Variants in CYBC1 observed in about 807,000 individuals in gnomAD.
The protein encoded by CYBC1 is cytochrome b-245 chaperone 1.
Under a neutral mutation model 21.7 loss-of-function variants are expected in CYBC1, and 22 were observed. That is an observed-to-expected ratio of 1.02 (90% CI 0.73 to 1.45). The LOEUF (loss-of-function observed/expected upper bound fraction) is 1.45. CYBC1 is among the 40% of genes most tolerant of loss of function. The pLI is 0.00. For missense variants in CYBC1, 237 were observed against 242.1 expected, an observed-to-expected ratio of 0.98 and a Z score of 0.14; for synonymous variants, 112 against 98.7, an observed-to-expected ratio of 1.13 and a Z score of -0.80.
chr17:82,449,418 C>T (rs991153636), intron 1 of CYBC1, 126 bp from the exon 2 acceptor site: 1 of 500,318 alleles, frequency 2.0e-6, no homozygotes. Context: ...CAGACACCAT[C>T]AGCCAGTCTC....
rs145513479 is a variant in CYBC1, at chr17:82,442,989, G to A, written c.*1015C>T. The A allele has an allele frequency of 3.8e-3, 787 of 206,088 alleles. 3 individuals are homozygous for A. The highest frequency in any genetic ancestry group is 0.016 in the African/African-American group (697 of 43,148). 12.8% of individuals were successfully genotyped at this position (206,088 alleles called of 1,614,324 possible). A position where few individuals can be genotyped will look rare whatever the true frequency, so the allele number is the denominator to read the frequency against. The stretch of plus-strand genomic sequence containing the variant: ...ACGGGGTGGGGAGAAGTCTGTAGCC[G>A]AGAGCCCAGCCCCCTCCTGCCAGGT... On this transcript the variant is annotated 3_prime_UTR_variant, in exon 7 of 7. Coordinates refer to ENST00000306645, the MANE Select transcript of CYBC1 (RefSeq NM_001033046.4). This position sits in a 1 kb window ranked among gnomAD's most constrained non-coding sequence, Gnocchi z 6.8.
Position 82,442,928 on chromosome 17 carries a change from GC to G in CYBC1, c.*1075del, listed in dbSNP as rs2054053661. Reference sequence around the variant, plus strand: ...CCTGGGTACACTCAGGAGACCAAGAGCACTGGCGGGTCAGGATGGTTGGCGT... The same window carrying G: ...CCTGGGTACACTCAGGAGACCAAGAGACTGGCGGGTCAGGATGGTTGGCGT... On this transcript the variant is annotated 3_prime_UTR_variant, in exon 7 of 7. Transcript: ENST00000306645. The surrounding 1 kb of genome is among the most constrained non-coding windows in gnomAD (Gnocchi z 6.8). 1 of 251,096 alleles carries G rather than the reference GC, an allele frequency of 4.0e-6. No homozygotes were observed. Among genetic ancestry groups the G allele is most frequent in the African/African-American group, 2.2e-5 (1 of 44,898 alleles). 15.6% of individuals were successfully genotyped at this position (251,096 alleles called of 1,614,324 possible).
Position 82,443,620 on chromosome 17 carries a change from C to T in CYBC1, c.*384G>A. On this transcript the variant is annotated 3_prime_UTR_variant, in exon 7 of 7. Transcript: ENST00000306645. The surrounding 1 kb of genome is among the most constrained non-coding windows in gnomAD (Gnocchi z 6.7). ...AAGCAGGAGTCCAGGGCTGGCGAGA[C>T]CTCCGGCTGCAGAAAGGCAGGCCCA... is the stretch of plus-strand genomic sequence containing the variant. 1.4e-6 allele frequency: 1 copy of T among 724,448 alleles called. No homozygotes were observed. The highest frequency in any genetic ancestry group is 2.5e-6 in the Non-Finnish European group (1 of 397,476). 44.9% of individuals were successfully genotyped at this position (724,448 alleles called of 1,614,324 possible).
intron 2 of CYBC1, 142 bp from the exon 3 acceptor site, chr17:82,447,763 AG>A: frequency 1.3e-6 from 1 of 751,280 alleles, no homozygotes; most frequent in Non-Finnish European, 2.3e-6. Context: ...ACAGACCACC[AG>A]GTTCAGAGTA....
chr17:82,444,377 TG>T (rs1221394530), intron 6 of CYBC1, 69 bp downstream of exon 6: 2 of 1,547,192 alleles, frequency 1.3e-6, no homozygotes, highest in Non-Finnish European at 1.8e-6. Context: ...CCCATAGCTC[TG>T]GGCAGTCAGG....
At chr17:82,446,600 T>C (rs2054303393) in intron 4 of CYBC1, 23 bp downstream of exon 4, 1 of 1,612,940 alleles carries the variant, frequency 6.2e-7, no homozygotes, top group Non-Finnish European at 8.5e-7. Context: ...CTGGACTCTG[T>C]CCCGCACCCG....
In CYBC1 at chr17:82,444,509, C is replaced by T. The variant is rs775905967; in HGVS notation, c.381G>A (p.Val127=). 1.9e-6 allele frequency: 3 copies of T among 1,614,048 alleles called. No homozygotes were observed. The South Asian group carries it at 3.3e-5, about 18-fold the overall frequency. The change falls in exon 6 of 7, where the codon GTG becomes GTA. Residue 127 remains valine, a synonymous_variant. Transcript: ENST00000306645. The part of the protein sequence containing the change: ...VRYFGKGYMV[V]LRLATGFSHP... ...GGGAGAAGCCCGTCGCAAGCCGGAG[C>T]ACCACCATGTAGCCTTTCCCGAAGT...
At chr17:82,446,421 G>A (rs1291754453) in intron 4 of CYBC1, among the ~76,000 whole-genome samples, 2 of 152,200 alleles carry the variant, frequency 1.3e-5, no homozygotes, top group African/African-American at 2.4e-5. Flanking sequence ...AAATGCCTTC[G>A]GGGAATTCCT....
chr17:82,447,139 G>A lies in CYBC1; in HGVS notation c.127+441C>T, dbSNP rs1189161847. ...GAGGCCGAGGCGGGCGGATCACGAG[G>A]TCAGGAGATCGAGACCATCCCGGCT... is the stretch of plus-strand genomic sequence containing the variant. On this transcript the variant is annotated intron_variant, in intron 3 of 6. Coordinates refer to ENST00000306645, the MANE Select transcript of CYBC1 (RefSeq NM_001033046.4). 3 of 296,578 alleles carry A rather than the reference G, an allele frequency of 1.0e-5. No homozygotes were observed. In the Admixed American group the frequency reaches 1.5e-4, roughly 15 times the overall value. 18.4% of individuals were successfully genotyped at this position (296,578 alleles called of 1,614,324 possible).
chr17:82,447,728 G>T, intron 2 of CYBC1, 107 bp from the exon 3 acceptor site: 2 of 990,312 alleles, frequency 2.0e-6, no homozygotes, highest in Non-Finnish European at 1.6e-6. Flanking sequence ...CCTTCCCACT[G>T]TAGGAACAGC....
chr17:82,445,708 G>A (rs904467331), intron 5 of CYBC1, 156 bp downstream of exon 5: 3 of 586,308 alleles, frequency 5.1e-6, no homozygotes, highest in Non-Finnish European at 9.0e-6. Flanking sequence ...GTGGGATCCT[G>A]CTTCCAGCGG....
chr17:82,446,861 A>G, intron 3 of CYBC1, 165 bp from the exon 4 acceptor site: 2 of 640,496 alleles, frequency 3.1e-6, no homozygotes, highest in South Asian at 1.8e-5. Flanking sequence ...CAGGACCCAC[A>G]CGCGGCACAC....
rs548336697 is a variant in CYBC1, at chr17:82,443,738, C to T, written c.*266G>A. On this transcript the variant is annotated 3_prime_UTR_variant, in exon 7 of 7. Transcript: ENST00000306645. This position sits in a 1 kb window ranked among gnomAD's most constrained non-coding sequence, Gnocchi z 6.7. Reference sequence around the variant, plus strand: ...AGCATGAGCAGGCAATAGGCCAACTCGGCTGGAGGCACCAACTGAAGCCAA... The same window carrying T: ...AGCATGAGCAGGCAATAGGCCAACTTGGCTGGAGGCACCAACTGAAGCCAA... 192 of 829,304 alleles carry T rather than the reference C, an allele frequency of 2.3e-4. No individual in the cohort carries two copies. Among genetic ancestry groups the T allele is most frequent in the African/African-American group, 1.7e-3 (101 of 60,774 alleles). 51.4% of individuals were successfully genotyped at this position (829,304 alleles called of 1,614,324 possible).
intron 6 of CYBC1, 52 bp from the exon 7 acceptor site, chr17:82,444,176 C>T: frequency 6.3e-7 from 1 of 1,581,294 alleles, no homozygotes; most frequent in South Asian, 1.2e-5. Context: ...GCATAGGGCA[C>T]CGTGAGACCC....
intron 3 of CYBC1, 83 bp downstream of exon 3, chr17:82,447,497 C>T: frequency 8.4e-7 from 1 of 1,192,760 alleles, no homozygotes; most frequent in South Asian, 1.3e-5. Context: ...CATGGACAGT[C>T]ACAAATGACA....
intron 3 of CYBC1, chr17:82,447,286 G>C (rs940100523): frequency 1.5e-5 from 7 of 457,930 alleles, no homozygotes; most frequent in African/African-American, 1.2e-4. Context: ...CCGGGAGGCG[G>C]AGCTTGCAGT....
At chr17:82,446,844 G>A (rs961854518) in intron 3 of CYBC1, 148 bp from the exon 4 acceptor site, 10 of 723,500 alleles carry the variant, frequency 1.4e-5, no homozygotes, top group East Asian at 1.1e-4. Flanking sequence ...ACCCTGCCCT[G>A]GCCACTCAGG....
At chr17:82,445,669 CTGAGCAGG>C (rs1245702741) in intron 5 of CYBC1, 187 bp downstream of exon 5, 3 of 545,262 alleles carry the variant, frequency 5.5e-6, no homozygotes, top group African/African-American at 3.8e-5. Context: ...TAGGACCCTG[CTGAGCAGG>C]TGAGCAGGTG....
intron 3 of CYBC1, 37 bp downstream of exon 3, chr17:82,447,543 A>C: frequency 2.2e-6 from 2 of 921,020 alleles, no homozygotes; most frequent in Non-Finnish European, 3.1e-6. Flanking sequence ...CAAACAGCTG[A>C]GACAGTCATG....
Sources: allele counts gnomAD v4.1 joint callset (sites outside exome capture counted in the v4.1 genomes callset), GRCh38; gene constraint gnomAD v4.1.1; non-coding constraint Gnocchi (gnomAD v3.1); transcripts MANE v1.5; gene names NCBI Gene and HGNC (gene_info 2026-07-23, HGNC 2026-07-21).